GOLIM4: variants seen among roughly 807,000 people sequenced by gnomAD.
The protein encoded by GOLIM4 is golgi integral membrane protein 4.
In GOLIM4, 71 loss-of-function variants were observed where a neutral mutation model predicts 107.4. The observed-to-expected ratio is 0.66, with a 90% CI of 0.55 to 0.81. The LOEUF is 0.81. GOLIM4 is among the 30% of genes least tolerant of loss of function. The pLI is 0.00. For synonymous variants in GOLIM4, 327 were observed against 294.8 expected, an observed-to-expected ratio of 1.11 and a Z score of -1.12; for missense variants, 830 against 826.1, an observed-to-expected ratio of 1.00 and a Z score of -0.06.
chr3:168,054,717 C>T (rs780213067), intron 1 of GOLIM4, among the ~76,000 whole-genome samples: 32 of 151,970 alleles, frequency 2.1e-4, no homozygotes, highest in Non-Finnish European at 4.0e-4. Context: ...AAGAACAGAA[C>T]CTCGATTGAG....
At chr3:168,033,606 CAAAAAAAAA>C (rs61728774) in intron 8 of GOLIM4, among the ~76,000 whole-genome samples, 21 of 31,298 alleles carry the variant, frequency 6.7e-4, no homozygotes, top group Middle Eastern at 0.033. Flanking sequence ...GACTCCGTCT[CAAAAAAAAA>C]AAAAAAAAAA....
intron 12 of GOLIM4, among the ~76,000 whole-genome samples, chr3:168,026,360 C>T (rs374520325): frequency 6.6e-6 from 1 of 152,150 alleles, no homozygotes; most frequent in African/African-American, 2.4e-5. Context: ...CTTTTGCAAA[C>T]GTTCATAAAA....
At chr3:168,068,451 A>T (rs939302614) in intron 1 of GOLIM4, among the ~76,000 whole-genome samples, 3 of 152,180 alleles carry the variant, frequency 2.0e-5, no homozygotes, top group Non-Finnish European at 2.9e-5. Context: ...AATTTTAAAA[A>T]ACAGGTATGC....
At chr3:168,015,795 A>G in intron 14 of GOLIM4, among the ~76,000 whole-genome samples, 1 of 133,196 alleles carries the variant, frequency 7.5e-6, no homozygotes, top group Non-Finnish European at 1.5e-5. Flanking sequence ...TGGGGAAAGG[A>G]TTCCCTATTT....
Position 168,024,524 on chromosome 3 carries a change from A to G in GOLIM4, c.1860+2T>C. On this transcript the variant is annotated splice_donor_variant, in intron 14 of 15. Transcript: ENST00000470487. LOFTEE classifies it high-confidence loss of function. ...CAGTCTCTGGGATTCAATCCTTACT[A>G]CCTCCTCTTCTGCCTCTTCCTGGTA... is the stretch of plus-strand genomic sequence containing the variant. 4.4e-6 allele frequency: 7 copies of G among 1,598,634 alleles called. No homozygotes were observed. The highest frequency in any genetic ancestry group is 5.1e-6 in the Non-Finnish European group (6 of 1,166,176).
intron 1 of GOLIM4, among the ~76,000 whole-genome samples, chr3:168,073,266 C>A (rs1004261252): frequency 6.6e-6 from 1 of 152,218 alleles, no homozygotes; most frequent in Non-Finnish European, 1.5e-5. Context: ...GGGACCGTGT[C>A]TTCTTTGTGT....
In GOLIM4 at chr3:168,050,433, G is replaced by A. The variant is rs533992934; in HGVS notation, c.188-2068C>T. Among the ~76,000 whole-genome samples the A allele has an allele frequency of 7.0e-4, 107 of 152,216 alleles. 1 individual carries two copies. The highest frequency in any genetic ancestry group is 4.0e-3 in the Admixed American group (61 of 15,292). On this transcript the variant is annotated intron_variant, in intron 1 of 15. Transcript: ENST00000470487. ...TAAGATTAGCCCTATAGAACATCAC[G>A]AAGCCAGGCCCTGAACTGTGCACTC... is the stretch of plus-strand genomic sequence containing the variant.
rs1722139026 is a variant in GOLIM4, at chr3:168,095,417, C to A, written c.-132G>T. 1 of 718,482 alleles carries A rather than the reference C, an allele frequency of 1.4e-6. No individual in the cohort carries two copies. The highest frequency in any genetic ancestry group is 2.0e-5 in the South Asian group (1 of 50,806). The allele number at this position is 718,482 out of a possible 1,614,324, so 44.5% of individuals were successfully genotyped here. A position where few individuals can be genotyped will look rare whatever the true frequency, so the allele number is the denominator to read the frequency against. ...AGGAGGAGATGCCAGACACAAAAGC[C>A]GGCCCGGAGGGGAAGTGGCGCCCGC... On this transcript the variant is annotated 5_prime_UTR_variant, in exon 1 of 16. Transcript: ENST00000470487.
rs1051765295 is a variant in GOLIM4, at chr3:168,095,373, G to C, written c.-88C>G. 51 of 1,140,320 alleles carry C rather than the reference G, an allele frequency of 4.5e-5. No individual in the cohort carries two copies. Among genetic ancestry groups the C allele is most frequent in the Middle Eastern group, 2.8e-4 (1 of 3,576 alleles). The allele number at this position is 1,140,320 out of a possible 1,614,324, so 70.6% of individuals were successfully genotyped here. ...CGTCTCAGCAGCGGCCGCCGCAGTAGGTGGCCAGACGCAGCATGAGGAGGA... is the reference window on the plus strand; with the variant it reads ...CGTCTCAGCAGCGGCCGCCGCAGTACGTGGCCAGACGCAGCATGAGGAGGA... On this transcript the variant is annotated 5_prime_UTR_variant, in exon 1 of 16. Transcript: ENST00000470487.
chr3:168,024,821 A>G (rs1001060601), intron 13 of GOLIM4, 107 bp downstream of exon 13: 1 of 1,171,758 alleles, frequency 8.5e-7, no homozygotes, highest in Non-Finnish European at 1.2e-6. Flanking sequence ...AAACCACCGA[A>G]GTGGCAAACC....
intron 1 of GOLIM4, among the ~76,000 whole-genome samples, chr3:168,060,368 T>A (rs555091270): frequency 6.6e-6 from 1 of 152,182 alleles, no homozygotes; most frequent in Non-Finnish European, 1.5e-5. Flanking sequence ...AGAGGACCAG[T>A]GTGCGTGCTG....
chr3:168,078,141 T>C (rs1329065770), intron 1 of GOLIM4, among the ~76,000 whole-genome samples: 1 of 152,122 alleles, frequency 6.6e-6, no homozygotes, highest in African/African-American at 2.4e-5. Flanking sequence ...AATTACTAGA[T>C]AGGAATCCCC....
At position 168,036,466 on chromosome 3, in the gene GOLIM4, C is replaced by T. The variant is rs12495906; in HGVS notation, c.843+370G>A. Among the ~76,000 whole-genome samples, 1,205 of 152,252 alleles carry T rather than the reference C, an allele frequency of 7.9e-3. 59 individuals are homozygous for T. The highest frequency in any genetic ancestry group is 0.075 in the Admixed American group (1,152 of 15,290). ...TGAGGCAGGGAGAATTGCTTGAACC[C>T]GGGAAGCGGAGGTTGCAGTGAGCTA... On this transcript the variant is annotated intron_variant, in intron 8 of 15. Transcript: ENST00000470487.
rs188679538 is a variant in GOLIM4 at position 168,084,076 on chromosome 3, T to C, written c.187+11023A>G. Among the ~76,000 whole-genome samples the C allele has an allele frequency of 1.7e-3, 252 of 152,304 alleles. 6 individuals carry two copies. In the East Asian group the frequency reaches 0.018, roughly 11 times the overall value. On this transcript the variant is annotated intron_variant, in intron 1 of 15. Coordinates refer to ENST00000470487, the MANE Select transcript of GOLIM4 (RefSeq NM_014498.5). ...CAGGAGAGGCCTGGTGGGAGGTGAC[T>C]GGATCATCGGGGTGGATTTCCCCCT...
At chr3:168,019,545 C>T (rs998381182) in intron 14 of GOLIM4, among the ~76,000 whole-genome samples, 2 of 152,098 alleles carry the variant, frequency 1.3e-5, no homozygotes, top group African/African-American at 2.4e-5. Context: ...GAAAAGAACA[C>T]ATAACATGGG....
chr3:168,030,678 C>A lies in GOLIM4; in HGVS notation c.1177-642G>T, dbSNP rs528226353. 5.9e-5 allele frequency among the ~76,000 whole-genome samples: 9 copies of A among 152,208 alleles called. No homozygotes were observed. The South Asian group carries it at 1.9e-3, about 32-fold the overall frequency. ...GCTTCCCTGAGATATTATCTCACCC[C>A]AGTTATAATGGCTTTTATCAAAAAG... On this transcript the variant is annotated intron_variant, in intron 9 of 15. Transcript: ENST00000470487.
intron 1 of GOLIM4, among the ~76,000 whole-genome samples, chr3:168,051,393 A>G (rs1383692910): frequency 6.6e-6 from 1 of 152,222 alleles, no homozygotes; most frequent in Non-Finnish European, 1.5e-5. Flanking sequence ...ACATATTAAC[A>G]GCAGTGTGTC....
intron 2 of GOLIM4, among the ~76,000 whole-genome samples, chr3:168,047,653 CATG>C (rs1719389661): frequency 6.6e-6 from 1 of 152,152 alleles, no homozygotes; most frequent in African/African-American, 2.4e-5. Flanking sequence ...TATCATAAAA[CATG>C]AATAAATAAA....
intron 1 of GOLIM4, among the ~76,000 whole-genome samples, chr3:168,082,079 A>C (rs997575706): frequency 1.3e-5 from 2 of 152,192 alleles, no homozygotes; most frequent in African/African-American, 4.8e-5. Context: ...TTTGCCCTAA[A>C]GCAGTGGTTC....
Sources: allele counts gnomAD v4.1 joint callset (sites outside exome capture counted in the v4.1 genomes callset), GRCh38; gene constraint gnomAD v4.1.1; transcripts MANE v1.5; gene names NCBI Gene and HGNC (gene_info 2026-07-23, HGNC 2026-07-21).